Variants in MSR1 observed in about 807,000 individuals in gnomAD.
MSR1 encodes the protein macrophage scavenger receptor 1.
Under a neutral mutation model 47.2 loss-of-function variants are expected in MSR1, and 53 were observed. The observed-to-expected ratio is 1.12, with a 90% confidence interval of 0.90 to 1.41. MSR1 has a LOEUF of 1.41. Among genes scored for constraint, MSR1 ranks in the 40% most tolerant of loss-of-function variants. The pLI, the probability that MSR1 is intolerant of heterozygous loss-of-function variation, is 0.00. For synonymous variants in MSR1, 239 were observed against 185.6 expected, an observed-to-expected ratio of 1.29 and a Z score of -2.34; for missense variants, 786 against 546.9, an observed-to-expected ratio of 1.44 and a Z score of -4.36.
chr8:16,139,770 AAAAAATATATATATATAT>A (rs1319572187), intron 8 of MSR1: 4 of 62,812 alleles, frequency 6.4e-5, no homozygotes, highest in African/African-American at 4.0e-4. Context: ...AAAAAAAAAA[AAAAAATATATATATATAT>A]ATATATATAT....
At chr8:16,180,847 T>C (rs1294351448) in intron 1 of MSR1, among the ~76,000 whole-genome samples, 2 of 152,202 alleles carry the variant, frequency 1.3e-5, no homozygotes, top group Non-Finnish European at 2.9e-5. Context: ...TTGGTTTTCA[T>C]GAATGCTATG....
chr8:16,177,410 C>T lies in MSR1; in HGVS notation c.103+476G>A, dbSNP rs35811177. Among the ~76,000 whole-genome samples, 10 of 151,998 alleles carry T rather than the reference C, an allele frequency of 6.6e-5. No homozygotes were observed. The East Asian group carries it at 1.6e-3, about 24-fold the overall frequency. ...GGAACACTAAGGACTGCCAGTAGCC[C>T]GTAGAAGCTGGGAGGAGGCACAGGA... is the stretch of plus-strand genomic sequence containing the variant. On this transcript the variant is annotated intron_variant, in intron 2 of 9. Coordinates refer to ENST00000262101, the MANE Select transcript of MSR1 (RefSeq NM_138715.3).
chr8:16,183,196 T>G (rs1190538530), intron 1 of MSR1, among the ~76,000 whole-genome samples: 1 of 152,138 alleles, frequency 6.6e-6, no homozygotes, highest in Admixed American at 6.6e-5. Context: ...ATTATGGCTT[T>G]GATCCTCACA....
At position 16,187,900 on chromosome 8, in the gene MSR1, G is replaced by A. The variant is rs79495351; in HGVS notation, c.-5+4698C>T. Among the ~76,000 whole-genome samples, 407 of 152,232 alleles carry A rather than the reference G, an allele frequency of 2.7e-3. 3 individuals carry two copies. The highest frequency in any genetic ancestry group is 9.6e-3 in the African/African-American group (397 of 41,550). ...TTAAAATTACCAGATTATTTCAGCT[G>A]CTTACTCTGGTTATAATCATTGTAA... On this transcript the variant is annotated intron_variant, in intron 1 of 9. Coordinates refer to ENST00000262101, the MANE Select transcript of MSR1 (RefSeq NM_138715.3).
At chr8:16,187,364 CAA>C (rs751848634) in intron 1 of MSR1, among the ~76,000 whole-genome samples, 14 of 35,416 alleles carry the variant, frequency 4.0e-4, no homozygotes, top group East Asian at 1.4e-3. Flanking sequence ...ACTCTGTCTC[CAA>C]AAAAAAAAAA....
In MSR1 at chr8:16,108,153, AC is replaced by A. The variant is rs1468888603; in HGVS notation, c.*1931del. The A allele has an allele frequency of 1.4e-5, 2 of 147,900 alleles. No individual in the cohort carries two copies. The highest frequency in any genetic ancestry group is 4.1e-4 in the East Asian group (2 of 4,880). The allele number at this position is 147,900 out of a possible 1,614,324, so 9.2% of individuals were successfully genotyped here. ...CAAGTGCCTATGGGTTGTTAATAGT[AC>A]TATTAACAGTGTCATAGTACTAGTA... On this transcript the variant is annotated 3_prime_UTR_variant, in exon 10 of 10. Coordinates refer to ENST00000262101, the MANE Select transcript of MSR1 (RefSeq NM_138715.3).
intron 1 of MSR1, among the ~76,000 whole-genome samples, chr8:16,189,712 C>A (rs1387936305): frequency 4.8e-5 from 3 of 62,330 alleles, no homozygotes; most frequent in Admixed American, 2.2e-4. Flanking sequence ...TATATAAAAT[C>A]TTATTTTATA....
In MSR1 at chr8:16,155,049, C is replaced by A. The variant is rs1237442244; in HGVS notation, c.898+15G>T. On this transcript the variant is annotated intron_variant, in intron 6 of 9. Coordinates refer to ENST00000262101, the MANE Select transcript of MSR1 (RefSeq NM_138715.3). Reference sequence around the variant, plus strand: ...ATCTTCACAGTATATGATTAAATAGCTAAAATTACCATACCTATTGGACCT... The same window carrying A: ...ATCTTCACAGTATATGATTAAATAGATAAAATTACCATACCTATTGGACCT... 6.2e-7 allele frequency: 1 copy of A among 1,600,524 alleles called. No individual in the cohort carries two copies. Among genetic ancestry groups the A allele is most frequent in the African/African-American group, 1.3e-5 (1 of 74,530 alleles).
intron 5 of MSR1, among the ~76,000 whole-genome samples, chr8:16,157,593 C>A (rs970893068): frequency 5.9e-5 from 9 of 151,844 alleles, no homozygotes; most frequent in Admixed American, 5.3e-4. Flanking sequence ...CTGTTTCTAA[C>A]AAAATGTTGG....
Position 16,133,457 on chromosome 8 carries a change from G to C in MSR1, c.1033+10101C>G, listed in dbSNP as rs570928765. 1.1e-4 allele frequency among the ~76,000 whole-genome samples: 17 copies of C among 152,246 alleles called. No homozygotes were observed. In the East Asian group the frequency reaches 3.1e-3, roughly 28 times the overall value. On this transcript the variant is annotated intron_variant, in intron 8 of 9. Coordinates refer to ENST00000262101, the MANE Select transcript of MSR1 (RefSeq NM_138715.3). The stretch of plus-strand genomic sequence containing the variant: ...CTAGTTTGATGAGAGAAATGAGCAA[G>C]AGCATTGTCATGATGGAGACTCCCT...
chr8:16,146,196 T>G (rs1230328623), intron 7 of MSR1, among the ~76,000 whole-genome samples: 1 of 152,060 alleles, frequency 6.6e-6, no homozygotes, highest in Non-Finnish European at 1.5e-5. Context: ...CTTTCAAATG[T>G]GATCATCCTC....
chr8:16,158,987 C>G (rs1585171926), intron 5 of MSR1, among the ~76,000 whole-genome samples: 1 of 113,914 alleles, frequency 8.8e-6, no homozygotes, highest in South Asian at 2.8e-4. Context: ...CTAGGCTGGT[C>G]TTGAACTTCT....
At chr8:16,183,443 T>A (rs961481718) in intron 1 of MSR1, among the ~76,000 whole-genome samples, 1 of 150,294 alleles carries the variant, frequency 6.7e-6, no homozygotes, top group African/African-American at 2.4e-5. Flanking sequence ...ATATACTGAA[T>A]AAATAGAATA....
chr8:16,175,418 A>G (rs1205292168), intron 2 of MSR1, 118 bp from the exon 3 acceptor site: 2 of 896,768 alleles, frequency 2.2e-6, no homozygotes, highest in Non-Finnish European at 3.5e-6. Context: ...AAAAAAGAAG[A>G]AAAAATGTTC....
At chr8:16,137,031 C>T (rs969364653) in intron 8 of MSR1, among the ~76,000 whole-genome samples, 7 of 116,710 alleles carry the variant, frequency 6.0e-5, no homozygotes, top group African/African-American at 1.2e-4. Flanking sequence ...TAAGAAAGTA[C>T]ATTATGGAGT....
chr8:16,182,013 G>C (rs1801847636), intron 1 of MSR1, among the ~76,000 whole-genome samples: 1 of 152,088 alleles, frequency 6.6e-6, no homozygotes, highest in Admixed American at 6.5e-5. Flanking sequence ...GAACATCATA[G>C]AGTGCATTTA....
At chr8:16,117,099 G>C (rs1016146717) in intron 9 of MSR1, among the ~76,000 whole-genome samples, 17 of 152,130 alleles carry the variant, frequency 1.1e-4, no homozygotes, top group Admixed American at 1.1e-3. Flanking sequence ...TGGCCTGTTA[G>C]AAACAAAGCT....
intron 1 of MSR1, among the ~76,000 whole-genome samples, chr8:16,188,023 C>A (rs441032): frequency 0.24 from 36,326 of 152,002 alleles, 6,568 homozygotes; most frequent in East Asian, 0.53. Context: ...ATCAGTTCCA[C>A]AGTTAGGACA....
chr8:16,143,712 ATG>A, intron 7 of MSR1, 101 bp from the exon 8 acceptor site: 3 of 795,102 alleles, frequency 3.8e-6, no homozygotes, highest in East Asian at 2.6e-5. Context: ...ATATAATAGA[ATG>A]GACAGATATT....
Sources: allele counts gnomAD v4.1 joint callset (sites outside exome capture counted in the v4.1 genomes callset), GRCh38; gene constraint gnomAD v4.1.1; transcripts MANE v1.5; gene names NCBI Gene and HGNC (gene_info 2026-07-23, HGNC 2026-07-21).